Variants in RUFY3 observed in about 807,000 individuals in gnomAD.
The protein encoded by RUFY3 is RUN and FYVE domain containing 3.
In RUFY3, 34 loss-of-function variants were observed where a neutral mutation model predicts 84.0. The ratio of observed to expected loss-of-function variants is 0.40; its 90% CI spans 0.31 to 0.54. The LOEUF (loss-of-function observed/expected upper bound fraction) is 0.54. Among genes scored for constraint, RUFY3 ranks in the 20% least tolerant of loss-of-function variants. The pLI, the probability that RUFY3 is intolerant of heterozygous loss-of-function variation, is 0.39. For synonymous variants in RUFY3, 242 were observed against 252.9 expected, an observed-to-expected ratio of 0.96 and a Z score of 0.41; for missense variants, 507 against 736.8, an observed-to-expected ratio of 0.69 and a Z score of 3.61.
intron 8 of RUFY3, among the ~76,000 whole-genome samples, chr4:70,780,240 T>C (rs1384363894): frequency 6.6e-6 from 1 of 152,162 alleles, no homozygotes; most frequent in Non-Finnish European, 1.5e-5. Context: ...CTTGGGTTCA[T>C]GTCCTGGCTC....
At chr4:70,718,894 T>C (rs1477161118), upstream of RUFY3, among the ~76,000 whole-genome samples, 3 of 152,140 alleles carry the variant, frequency 2.0e-5, no homozygotes, top group Non-Finnish European at 2.9e-5. Context: ...TTTGTATTTT[T>C]AGTAAAGATG....
Position 70,788,886 on chromosome 4 carries a change from C to T in RUFY3, c.1152C>T (p.Val384=), listed in dbSNP as rs1211798728. 1 of 1,614,160 alleles carries T rather than the reference C, an allele frequency of 6.2e-7. No homozygotes were observed. The highest frequency in any genetic ancestry group is 1.3e-5 in the African/African-American group (1 of 75,026). ...CTATGAAGATGCTGGAGAAGGATGT[C>T]TGTGAGAAGCAGGATGCCCTGGTAT... is the stretch of plus-strand genomic sequence containing the variant. ...ELAMKMLEKD[V]CEKQDALVSL... is the part of the protein sequence containing the mutation. Residue 384 remains valine, a synonymous_variant, in exon 11 of 18, where the codon GTC becomes GTT. Coordinates refer to ENST00000381006, the MANE Select transcript of RUFY3 (RefSeq NM_001037442.4).
intron 5 of RUFY3, among the ~76,000 whole-genome samples, chr4:70,770,718 C>A (rs1466449099): frequency 6.6e-6 from 1 of 152,168 alleles, no homozygotes. Context: ...TCATGAGTAG[C>A]ACTTAATTCC....
intron 4 of RUFY3, among the ~76,000 whole-genome samples, chr4:70,766,514 G>A (rs1725952864): frequency 1.3e-5 from 2 of 152,074 alleles, no homozygotes; most frequent in Non-Finnish European, 2.9e-5. Context: ...CAAAGTGTGG[G>A]GTTTACAGGC....
upstream of RUFY3, chr4:70,721,929 G>C: frequency 8.1e-7 from 1 of 1,231,820 alleles, no homozygotes; most frequent in Non-Finnish European, 1.0e-6. Context: ...CCTACGTTCA[G>C]AGCAGCTGGT....
chr4:70,742,867 A>T (rs1050109590), intron 1 of RUFY3, among the ~76,000 whole-genome samples: 2 of 152,120 alleles, frequency 1.3e-5, no homozygotes, highest in African/African-American at 4.8e-5. Context: ...CCTGAGTGTC[A>T]TCTCTTTTCC....
chr4:70,797,383 C>T (rs757925114), intron 14 of RUFY3, among the ~76,000 whole-genome samples: 1 of 152,154 alleles, frequency 6.6e-6, no homozygotes, highest in Admixed American at 6.5e-5. Flanking sequence ...TCGTAATACG[C>T]GTTTTCCATG....
At chr4:70,746,983 G>A (rs555096119) in intron 1 of RUFY3, among the ~76,000 whole-genome samples, 4 of 152,300 alleles carry the variant, frequency 2.6e-5, no homozygotes, top group African/African-American at 9.6e-5. Flanking sequence ...TGTCTTGACT[G>A]TAATTCAACA....
At chr4:70,789,043 C>T in intron 11 of RUFY3, 70 bp downstream of exon 11, 2 of 1,548,070 alleles carry the variant, frequency 1.3e-6, no homozygotes, top group South Asian at 1.2e-5. Context: ...CCCATCTGAT[C>T]CTCCAGAATC....
intron 10 of RUFY3, among the ~76,000 whole-genome samples, chr4:70,787,326 C>T (rs1428579064): frequency 1.4e-5 from 2 of 142,334 alleles, no homozygotes; most frequent in South Asian, 4.5e-4. Context: ...GGTGTAGTCT[C>T]AGCTCACTGC....
chr4:70,747,656 A>G (rs1039524040), intron 1 of RUFY3, among the ~76,000 whole-genome samples: 3 of 152,144 alleles, frequency 2.0e-5, no homozygotes, highest in African/African-American at 4.8e-5. Context: ...AACTGCTATT[A>G]TTGTCCTATG....
chr4:70,717,580 CGT>C (rs927113823), upstream of RUFY3, among the ~76,000 whole-genome samples: 3 of 150,874 alleles, frequency 2.0e-5, no homozygotes, highest in Admixed American at 6.6e-5. Context: ...AGAGACTTTG[CGT>C]GTGTGTGTGT....
upstream of RUFY3, among the ~76,000 whole-genome samples, chr4:70,718,076 G>T (rs1253556260): frequency 3.3e-5 from 5 of 151,782 alleles, no homozygotes; most frequent in Admixed American, 6.6e-5. Context: ...GTAGAGACGG[G>T]GTTTCACCGT....
At chr4:70,713,681 G>T (rs1479777417) in intron 1 of RUFY3, among the ~76,000 whole-genome samples, 1 of 152,176 alleles carries the variant, frequency 6.6e-6, no homozygotes, top group Non-Finnish European at 1.5e-5. Context: ...TCGCCTTTTA[G>T]AGTGTGATTC....
intron 5 of RUFY3, among the ~76,000 whole-genome samples, chr4:70,770,604 T>C (rs1193403487): frequency 2.6e-5 from 4 of 152,222 alleles, no homozygotes; most frequent in African/African-American, 9.6e-5. Flanking sequence ...GAATTAGGTG[T>C]TGGCTTAAGG....
At chr4:70,768,931 C>T (rs961281467) in intron 5 of RUFY3, among the ~76,000 whole-genome samples, 1 of 152,158 alleles carries the variant, frequency 6.6e-6, no homozygotes, top group East Asian at 1.9e-4. Context: ...TTTACATACA[C>T]ATACATACAC....
In RUFY3 at chr4:70,705,283, GC is replaced by G; in HGVS notation, c.348del (p.Ser116ArgfsTer15). ...AGCGGCGGCGGCGGCAGCAGCGGCA[GC>G]GGCAAGCACCGTGAGTGGCGGAGGG... is the stretch of plus-strand genomic sequence containing the variant. On this transcript the variant is annotated frameshift_variant, in exon 1 of 12. Transcript: ENST00000417478. LOFTEE classifies it high-confidence loss of function. The G allele has an allele frequency of 7.0e-7, 1 of 1,429,216 alleles. No homozygotes were observed. The highest frequency in any genetic ancestry group is 1.4e-5 in the South Asian group (1 of 69,712). 88.5% of individuals were successfully genotyped at this position (1,429,216 alleles called of 1,614,324 possible). A position where few individuals can be genotyped will look rare whatever the true frequency, so the allele number is the denominator to read the frequency against.
Position 70,807,684 on chromosome 4 carries a change from C to T in RUFY3, c.*1025C>T, listed in dbSNP as rs1258884473. On this transcript the variant is annotated 3_prime_UTR_variant, in exon 18 of 18. Coordinates refer to ENST00000381006, the MANE Select transcript of RUFY3 (RefSeq NM_001037442.4). ...CTGGCTTTTTTTTTTTTTTTTTGGC[C>T]GGGGAGGGGGTCTCATTGGTTGCTC... Among the ~76,000 whole-genome samples the T allele has an allele frequency of 2.8e-5, 4 of 140,668 alleles. No individual in the cohort carries two copies. Among genetic ancestry groups the T allele is most frequent in the Non-Finnish European group, 6.1e-5 (4 of 65,134 alleles). 92.3% of individuals were successfully genotyped at this position (140,668 alleles called of 152,430 possible).
At chr4:70,789,945 A>G in intron 12 of RUFY3, 1 of 978,462 alleles carries the variant, frequency 1.0e-6, no homozygotes, top group Non-Finnish European at 1.2e-6. Flanking sequence ...CTGTGATTTT[A>G]TTGTTCATCA....
Sources: gnomAD v4.1 joint callset for allele counts (sites outside exome capture counted in the v4.1 genomes callset) on GRCh38, gnomAD v4.1.1 for gene constraint, MANE v1.5 for transcripts, NCBI Gene and HGNC (gene_info 2026-07-23, HGNC 2026-07-21) for gene names.